ASXL2: variants seen among roughly 807,000 people sequenced by gnomAD.
ASXL2 encodes ASXL transcriptional regulator 2.
In ASXL2, 23 loss-of-function variants were observed where a neutral mutation model predicts 122.0. The ratio of observed to expected loss-of-function variants is 0.19; its 90% CI spans 0.14 to 0.27. The LOEUF (loss-of-function observed/expected upper bound fraction) is 0.27, where lower values mean the gene tolerates loss of function less well. Ranked by LOEUF, ASXL2 falls within the 10% of genes least tolerant of loss-of-function variation. The pLI is 1.00. For synonymous variants in ASXL2, 650 were observed against 637.0 expected, an observed-to-expected ratio of 1.02 and a Z score of -0.31; for missense variants, 1,518 against 1,713.8, an observed-to-expected ratio of 0.89 and a Z score of 2.02.
At chr2:25,765,256 C>G (rs531758111) in intron 8 of ASXL2, among the ~76,000 whole-genome samples, 1 of 151,990 alleles carries the variant, frequency 6.6e-6, no homozygotes, top group African/African-American at 2.4e-5. Flanking sequence ...GAGGCCAAGG[C>G]GGGCAGATCA....
chr2:25,806,012 T>C (rs774915060), intron 4 of ASXL2, among the ~76,000 whole-genome samples: 47 of 152,178 alleles, frequency 3.1e-4, no homozygotes, highest in Non-Finnish European at 5.9e-4. Flanking sequence ...CTAGATAAGA[T>C]TATCATCAAG....
intron 4 of ASXL2, among the ~76,000 whole-genome samples, chr2:25,805,423 T>G (rs962681258): frequency 3.9e-5 from 6 of 152,186 alleles, no homozygotes; most frequent in Non-Finnish European, 8.8e-5. Flanking sequence ...TATAATAGTC[T>G]ATAGAAAAAT....
intron 8 of ASXL2, among the ~76,000 whole-genome samples, chr2:25,762,174 T>C (rs1026305261): frequency 3.9e-5 from 6 of 151,942 alleles, no homozygotes; most frequent in Middle Eastern, 3.4e-3. Context: ...AACTAAAAAA[T>C]ATATAGAAGT....
At chr2:25,802,211 T>C (rs1282498298) in intron 4 of ASXL2, among the ~76,000 whole-genome samples, 2 of 152,200 alleles carry the variant, frequency 1.3e-5, no homozygotes, top group East Asian at 1.9e-4. Flanking sequence ...TACATTCCTT[T>C]ATTCAAAATT....
intron 2 of ASXL2, among the ~76,000 whole-genome samples, chr2:25,842,792 G>GTGTGTA (rs1240108133): frequency 2.1e-4 from 20 of 95,402 alleles, no homozygotes; most frequent in African/African-American, 9.5e-4. Context: ...GTGTGTGTGT[G>GTGTGTA]TATATATATA....
chr2:25,834,002 A>G (rs1181598506), intron 3 of ASXL2, among the ~76,000 whole-genome samples: 5 of 152,116 alleles, frequency 3.3e-5, no homozygotes, highest in Non-Finnish European at 5.9e-5. Flanking sequence ...TATTCTTTAA[A>G]TAAATCTTGT....
intron 3 of ASXL2, among the ~76,000 whole-genome samples, chr2:25,818,315 C>A (rs969855997): frequency 1.5e-4 from 23 of 152,182 alleles, no homozygotes; most frequent in African/African-American, 5.5e-4. Flanking sequence ...TCGAGATCAG[C>A]CTGGCCAAAA....
intron 5 of ASXL2, among the ~76,000 whole-genome samples, chr2:25,778,502 C>T (rs916219448): frequency 3.9e-5 from 6 of 152,268 alleles, no homozygotes; most frequent in South Asian, 4.1e-4. Flanking sequence ...TTGCTTAAGC[C>T]GCTCACTGTG....
chr2:25,756,465 G>GAAAAAAAAAAAAA (rs71399321), intron 9 of ASXL2, among the ~76,000 whole-genome samples: 38 of 91,268 alleles, frequency 4.2e-4, no homozygotes, highest in East Asian at 9.1e-4. Flanking sequence ...AAAAAAAAAA[G>GAAAAAAAAAAAAA]AAAAAAAAAA....
rs892888975 is a variant in ASXL2 at position 25,734,759 on chromosome 2, T to C, written c.*7270A>G. ...GTGCACAGCCCTAAATCCTGATTAGTGGCAAAAGCCACCACAGTTCAATAG... is the reference window on the plus strand; with the variant it reads ...GTGCACAGCCCTAAATCCTGATTAGCGGCAAAAGCCACCACAGTTCAATAG... On this transcript the variant is annotated 3_prime_UTR_variant, in exon 13 of 13. Transcript: ENST00000435504. 17 of 152,324 alleles carry C rather than the reference T, an allele frequency of 1.1e-4. No individual in the cohort carries two copies. The highest frequency in any genetic ancestry group is 4.1e-4 in the African/African-American group (17 of 41,578). The allele number at this position is 152,324 out of a possible 1,614,324, so 9.4% of individuals were successfully genotyped here.
chr2:25,787,197 C>T (rs1308644657), intron 5 of ASXL2, among the ~76,000 whole-genome samples: 1 of 152,204 alleles, frequency 6.6e-6, no homozygotes, highest in Admixed American at 6.5e-5. Context: ...AGTCCCAGAA[C>T]ACTCTTTACC....
rs1028617807 is a variant in ASXL2, at chr2:25,763,132, C to T, written c.776-3487G>A. On this transcript the variant is annotated intron_variant, in intron 8 of 12. Transcript: ENST00000435504. ...CCACCATTTGGATAGGAGATTTCAA[C>T]ACATCTCTCTCCATTATTAATAAAT... 1.1e-4 allele frequency among the ~76,000 whole-genome samples: 17 copies of T among 152,240 alleles called. 1 individual carries two copies. Among genetic ancestry groups the T allele is most frequent in the Admixed American group, 9.2e-4 (14 of 15,298 alleles).
In ASXL2 at chr2:25,777,777, A is replaced by G. The variant is rs189714506; in HGVS notation, c.404-6237T>C. ...TTTAACAGGAGTTCATTGAACTCTCATAATTACTCTCTCTTAGGGTAGTTT... is the reference window on the plus strand; with the variant it reads ...TTTAACAGGAGTTCATTGAACTCTCGTAATTACTCTCTCTTAGGGTAGTTT... On this transcript the variant is annotated intron_variant, in intron 5 of 12. Transcript: ENST00000435504. 2.8e-3 allele frequency among the ~76,000 whole-genome samples: 427 copies of G among 152,292 alleles called. 1 individual carries two copies. Among genetic ancestry groups the G allele is most frequent in the Non-Finnish European group, 4.6e-3 (315 of 68,026 alleles).
Position 25,750,023 on chromosome 2 carries a change from A to G in ASXL2, c.1533T>C (p.Asn511=). The change falls in exon 12 of 13, where the codon AAT becomes AAC. Residue 511 remains asparagine, a synonymous_variant. Coordinates refer to ENST00000435504, the MANE Select transcript of ASXL2 (RefSeq NM_018263.6). The part of the protein sequence containing the change: ...SEKNHLTTAS[N]YNKSESQESL... ...ATTCTTGGCTTTCACTTTTGTTATA[A>G]TTAGAAGCTGTGGTGAGATGGTTCT... The G allele has an allele frequency of 6.2e-7, 1 of 1,614,016 alleles. No individual in the cohort carries two copies. Among genetic ancestry groups the G allele is most frequent in the Non-Finnish European group, 8.5e-7 (1 of 1,179,900 alleles).
Position 25,740,249 on chromosome 2 carries a change from G to T in ASXL2, c.*1780C>A. 1 of 221,872 alleles carries T rather than the reference G, an allele frequency of 4.5e-6. No homozygotes were observed. The highest frequency in any genetic ancestry group is 6.6e-5 in the East Asian group (1 of 15,266). The allele number at this position is 221,872 out of a possible 1,614,324, so 13.7% of individuals were successfully genotyped here. A position where few individuals can be genotyped will look rare whatever the true frequency, so the allele number is the denominator to read the frequency against. On this transcript the variant is annotated 3_prime_UTR_variant, in exon 13 of 13. Transcript: ENST00000435504. ...CGGAGAGGAGCGGAGCAGGGGCTGT[G>T]GGAAAGCATCGAAGAGTGTGTGATG...
intron 1 of ASXL2, among the ~76,000 whole-genome samples, chr2:25,875,165 G>A (rs1027917925): frequency 6.6e-6 from 1 of 152,200 alleles, no homozygotes; most frequent in East Asian, 1.9e-4. Flanking sequence ...AAGATCAACA[G>A]GGAGGCAGTC....
At chr2:25,808,788 G>A (rs1385223302) in intron 3 of ASXL2, among the ~76,000 whole-genome samples, 4 of 152,184 alleles carry the variant, frequency 2.6e-5, no homozygotes. Context: ...TGGCCCCAAA[G>A]AGACCACATC....
chr2:25,840,699 T>G (rs953799366), intron 2 of ASXL2, among the ~76,000 whole-genome samples: 19 of 152,246 alleles, frequency 1.2e-4, no homozygotes, highest in African/African-American at 4.3e-4. Context: ...TATCAGAATT[T>G]TATATCTTCT....
intron 1 of ASXL2, among the ~76,000 whole-genome samples, chr2:25,853,525 C>G (rs775383506): frequency 6.6e-6 from 1 of 152,126 alleles, no homozygotes; most frequent in Non-Finnish European, 1.5e-5. Context: ...GTTCTTTTCT[C>G]CTCAGTGTCT....
Sources: allele counts gnomAD v4.1 joint callset (sites outside exome capture counted in the v4.1 genomes callset), GRCh38; gene constraint gnomAD v4.1.1; transcripts MANE v1.5; gene names NCBI Gene and HGNC (gene_info 2026-07-23, HGNC 2026-07-21).